TAFA5: variants seen among roughly 807,000 people sequenced by gnomAD.
The protein encoded by TAFA5 is TAFA chemokine like family member 5.
In TAFA5, 6 loss-of-function variants were observed where a neutral mutation model predicts 15.3. That is an observed-to-expected ratio of 0.39 (90% CI 0.21 to 0.77). TAFA5 has a LOEUF of 0.77. Ranked by LOEUF, TAFA5 falls within the 30% of genes least tolerant of loss-of-function variation. The probability of loss-of-function intolerance (pLI) is 0.41; values close to 1 mark genes in which losing one functional copy is unlikely to be tolerated. For missense variants in TAFA5, 161 were observed against 193.1 expected (o/e 0.83, Z 0.98); for synonymous variants, 103 against 80.7 (o/e 1.28, Z -1.48).
intron 1 of TAFA5, among the ~76,000 whole-genome samples, chr22:48,593,896 A>G (rs534225195): frequency 6.6e-6 from 1 of 152,348 alleles, no homozygotes; most frequent in East Asian, 1.9e-4. Flanking sequence ...CACAGCACAC[A>G]GAGTGCACGG....
chr22:48,664,920 A>G (rs5771919), intron 2 of TAFA5, among the ~76,000 whole-genome samples: 78,188 of 151,882 alleles, frequency 0.51, 20,631 homozygotes, highest in East Asian at 0.72. Context: ...CACGTCTCCG[A>G]GTGGCTGTGT....
intron 1 of TAFA5, among the ~76,000 whole-genome samples, chr22:48,601,277 C>T (rs1168606592): frequency 6.6e-6 from 1 of 152,180 alleles, no homozygotes; most frequent in East Asian, 1.9e-4. Context: ...TGTCTCTCTC[C>T]ACATACCCTT....
chr22:48,626,324 C>T (rs111579697), intron 1 of TAFA5, among the ~76,000 whole-genome samples: 1 of 152,148 alleles, frequency 6.6e-6, no homozygotes, highest in African/African-American at 2.4e-5. Flanking sequence ...CGTGAAGGAG[C>T]GTTCCTGTTG....
chr22:48,590,402 C>A (rs999845016), intron 1 of TAFA5, among the ~76,000 whole-genome samples: 1 of 152,190 alleles, frequency 6.6e-6, no homozygotes, highest in African/African-American at 2.4e-5. Flanking sequence ...TTATGGCTAC[C>A]TTCTATTTAT....
At chr22:48,579,643 C>T (rs182045497) in intron 1 of TAFA5, among the ~76,000 whole-genome samples, 4 of 152,362 alleles carry the variant, frequency 2.6e-5, no homozygotes, top group Admixed American at 1.3e-4. Context: ...TATTTTCCAC[C>T]TCCCTCTTCC....
At position 48,546,682 on chromosome 22, in the gene TAFA5, G is replaced by T. The variant is rs891031878; in HGVS notation, c.112+56978G>T. Reference sequence around the variant, plus strand: ...TCCCATCTGTGAGGGTCCGCAGGATGGGGGGCTCACCTCCATTCCTCCAGG... The same window carrying T: ...TCCCATCTGTGAGGGTCCGCAGGATTGGGGGCTCACCTCCATTCCTCCAGG... On this transcript the variant is annotated intron_variant, in intron 1 of 3. Transcript: ENST00000402357. The T allele has an allele frequency of 2.4e-5, 11 of 449,616 alleles. No individual in the cohort carries two copies. The East Asian group carries it at 7.1e-4, about 29-fold the overall frequency. The allele number at this position is 449,616 out of a possible 1,614,324, so 27.9% of individuals were successfully genotyped here.
At chr22:48,538,555 G>A (rs1419890299) in intron 1 of TAFA5, among the ~76,000 whole-genome samples, 4 of 152,252 alleles carry the variant, frequency 2.6e-5, no homozygotes, top group Non-Finnish European at 5.9e-5. Context: ...CTGACAAGCA[G>A]TCCAGCTTCT....
At chr22:48,616,748 C>T (rs989572839) in intron 1 of TAFA5, among the ~76,000 whole-genome samples, 4 of 152,168 alleles carry the variant, frequency 2.6e-5, no homozygotes, top group African/African-American at 7.2e-5. Context: ...GGGTCAGCAG[C>T]GAGATGGTGG....
At chr22:48,702,732 G>A (rs1221149040) in intron 2 of TAFA5, among the ~76,000 whole-genome samples, 4 of 152,322 alleles carry the variant, frequency 2.6e-5, no homozygotes, top group South Asian at 4.1e-4. Context: ...GCAACATTGC[G>A]ACCAGAGGGG....
chr22:48,708,342 G>A (rs1257834784), intron 3 of TAFA5, among the ~76,000 whole-genome samples: 3 of 152,098 alleles, frequency 2.0e-5, no homozygotes, highest in Non-Finnish European at 4.4e-5. Context: ...CCAGAGACCC[G>A]GAGGGCCCTT....
chr22:48,665,466 A>G (rs1395251154), intron 2 of TAFA5, among the ~76,000 whole-genome samples: 1 of 152,070 alleles, frequency 6.6e-6, no homozygotes, highest in Non-Finnish European at 1.5e-5. Flanking sequence ...TCTTACCCCA[A>G]AGCCGTGAGA....
At chr22:48,514,485 T>A (rs937502160) in intron 1 of TAFA5, among the ~76,000 whole-genome samples, 4 of 152,194 alleles carry the variant, frequency 2.6e-5, no homozygotes, top group Non-Finnish European at 5.9e-5. Context: ...AACATGGGGT[T>A]AATTGAGGTG....
chr22:48,634,833 C>T (rs1926389834), intron 1 of TAFA5, among the ~76,000 whole-genome samples: 1 of 152,260 alleles, frequency 6.6e-6, no homozygotes, highest in African/African-American at 2.4e-5. Context: ...CTTCATCTGC[C>T]TTTTGCCAGT....
rs1272926123 is a variant in TAFA5 at position 48,750,049 on chromosome 22, C to G, written c.*202C>G. ...CCAGCCGACCCGAGGAGGCCGGACT[C>G]AGACACATAGGCGGGGGGCGGCACC... On this transcript the variant is annotated 3_prime_UTR_variant, in exon 4 of 4. Transcript: ENST00000402357. The G allele has an allele frequency of 3.3e-6, 2 of 607,218 alleles. No individual in the cohort carries two copies. Among genetic ancestry groups the G allele is most frequent in the Non-Finnish European group, 5.8e-6 (2 of 342,818 alleles). The allele number at this position is 607,218 out of a possible 1,614,324, so 37.6% of individuals were successfully genotyped here. A position where few individuals can be genotyped will look rare whatever the true frequency, so the allele number is the denominator to read the frequency against.
At chr22:48,619,387 ACT>A (rs1291675071) in intron 1 of TAFA5, among the ~76,000 whole-genome samples, 1 of 152,100 alleles carries the variant, frequency 6.6e-6, no homozygotes, top group Admixed American at 6.5e-5. Flanking sequence ...ACAGAGTCTC[ACT>A]CTGTCGCCCA....
chr22:48,639,274 C>T (rs546190964), intron 1 of TAFA5, among the ~76,000 whole-genome samples: 12 of 152,226 alleles, frequency 7.9e-5, no homozygotes, highest in Admixed American at 7.8e-4. Context: ...CGGGCCGCCC[C>T]CTGCCCTCAG....
chr22:48,513,716 C>G (rs774166372), intron 1 of TAFA5, among the ~76,000 whole-genome samples: 1 of 152,226 alleles, frequency 6.6e-6, no homozygotes, highest in Non-Finnish European at 1.5e-5. Context: ...GAGGAGGTGC[C>G]GTGCCTTGCT....
chr22:48,517,498 G>C (rs1921452610), intron 1 of TAFA5, among the ~76,000 whole-genome samples: 2 of 152,330 alleles, frequency 1.3e-5, no homozygotes, highest in Admixed American at 6.5e-5. Context: ...GTGAGCCCAG[G>C]CTCCTGTAGG....
At chr22:48,587,276 G>A (rs951746376) in intron 1 of TAFA5, among the ~76,000 whole-genome samples, 4 of 152,196 alleles carry the variant, frequency 2.6e-5, no homozygotes, top group Non-Finnish European at 4.4e-5. Context: ...TGCACACCTA[G>A]GTTCATCTCA....
Sources: gnomAD v4.1 joint callset for allele counts (sites outside exome capture counted in the v4.1 genomes callset) on GRCh38, gnomAD v4.1.1 for gene constraint, MANE v1.5 for transcripts, NCBI Gene and HGNC (gene_info 2026-07-23, HGNC 2026-07-21) for gene names.